SKAP1: variants seen among roughly 807,000 people sequenced by gnomAD.
The protein encoded by SKAP1 is src kinase-associated phosphoprotein 1.
In SKAP1, 44 loss-of-function variants were observed where a neutral mutation model predicts 58.5. The ratio of observed to expected loss-of-function variants is 0.75; its 90% confidence interval spans 0.59 to 0.97. SKAP1 has a LOEUF of 0.97. Among genes scored for constraint, SKAP1 ranks in the 50% least tolerant of loss-of-function variants. SKAP1 has a pLI of 0.00. For synonymous variants in SKAP1, 127 were observed against 149.7 expected (o/e 0.85, Z 1.11); for missense variants, 390 against 435.2 (o/e 0.90, Z 0.92).
intron 4 of SKAP1, among the ~76,000 whole-genome samples, chr17:48,278,282 C>A (rs140251508): frequency 2.6e-4 from 39 of 152,298 alleles, no homozygotes; most frequent in Non-Finnish European, 4.9e-4. Context: ...TCAGTGCCTA[C>A]GCTGTTCTTT....
At chr17:48,324,642 T>A (rs1362008759) in intron 4 of SKAP1, among the ~76,000 whole-genome samples, 1 of 152,114 alleles carries the variant, frequency 6.6e-6, no homozygotes, top group Non-Finnish European at 1.5e-5. Flanking sequence ...TTGCACATAT[T>A]CTGTTGCATG....
At chr17:48,311,720 A>T (rs936837037) in intron 4 of SKAP1, among the ~76,000 whole-genome samples, 2 of 152,132 alleles carry the variant, frequency 1.3e-5, no homozygotes, top group Non-Finnish European at 2.9e-5. Context: ...GCCTCCTAGG[A>T]TCTTCACTCA....
chr17:48,169,982 A>C (rs1266962994), intron 10 of SKAP1, among the ~76,000 whole-genome samples: 2 of 152,198 alleles, frequency 1.3e-5, no homozygotes, highest in East Asian at 3.8e-4. Context: ...TGGTCCACTT[A>C]AGGAGGCTTC....
At chr17:48,429,027 C>T (rs1021009245) in intron 1 of SKAP1, among the ~76,000 whole-genome samples, 1 of 151,928 alleles carries the variant, frequency 6.6e-6, no homozygotes, top group Non-Finnish European at 1.5e-5. Context: ...GCATTTATAC[C>T]GAGATAACAA....
At chr17:48,421,837 A>C (rs1383935436) in intron 1 of SKAP1, among the ~76,000 whole-genome samples, 1 of 152,206 alleles carries the variant, frequency 6.6e-6, no homozygotes, top group African/African-American at 2.4e-5. Context: ...AATGAAGCTA[A>C]TTTTCTCTCC....
At chr17:48,313,559 A>G (rs993630235) in intron 4 of SKAP1, among the ~76,000 whole-genome samples, 19 of 152,176 alleles carry the variant, frequency 1.2e-4, no homozygotes, top group African/African-American at 3.9e-4. Flanking sequence ...ATTATGCACT[A>G]CATGTTCAAA....
intron 4 of SKAP1, among the ~76,000 whole-genome samples, chr17:48,310,922 C>T (rs529044505): frequency 3.3e-5 from 5 of 152,280 alleles, no homozygotes; most frequent in Admixed American, 2.6e-4. Flanking sequence ...CACATCAACA[C>T]TGAAACTAAA....
chr17:48,393,254 C>T (rs1031797378), intron 2 of SKAP1, among the ~76,000 whole-genome samples: 6 of 152,066 alleles, frequency 3.9e-5, no homozygotes, highest in African/African-American at 7.2e-5. Context: ...AATTGCTATC[C>T]GTTTTTATTT....
At chr17:48,370,989 G>A (rs2067077115) in intron 2 of SKAP1, among the ~76,000 whole-genome samples, 1 of 152,180 alleles carries the variant, frequency 6.6e-6, no homozygotes, top group African/African-American at 2.4e-5. Context: ...CAAGATGGAT[G>A]CAGCTGGAGG....
chr17:48,315,132 C>T (rs1338110164), intron 4 of SKAP1, among the ~76,000 whole-genome samples: 1 of 152,076 alleles, frequency 6.6e-6, no homozygotes, highest in Non-Finnish European at 1.5e-5. Context: ...ACAAACTGCC[C>T]TCACTAGCAA....
intron 4 of SKAP1, among the ~76,000 whole-genome samples, chr17:48,203,132 A>G (rs909116716): frequency 6.6e-6 from 1 of 152,262 alleles, no homozygotes; most frequent in African/African-American, 2.4e-5. Context: ...AAGTTAATGC[A>G]TCACAAGTGA....
intron 4 of SKAP1, among the ~76,000 whole-genome samples, chr17:48,269,496 C>A (rs191579194): frequency 4.1e-4 from 62 of 152,282 alleles, no homozygotes; most frequent in African/African-American, 1.5e-3. Context: ...GCAGAGTTAA[C>A]CTGCTATAAG....
intron 4 of SKAP1, among the ~76,000 whole-genome samples, chr17:48,291,767 T>G (rs2065900035): frequency 6.6e-6 from 1 of 151,894 alleles, no homozygotes; most frequent in African/African-American, 2.4e-5. Context: ...AAAACAAGTC[T>G]GCCTCATCAT....
At chr17:48,407,841 G>A (rs553628522) in intron 1 of SKAP1, among the ~76,000 whole-genome samples, 1 of 144,810 alleles carries the variant, frequency 6.9e-6, no homozygotes, top group Admixed American at 7.1e-5. Context: ...GCAACAGAGT[G>A]AGACTTTGTC....
At chr17:48,363,887 GCTA>G (rs2066968925) in intron 2 of SKAP1, 73 bp from the exon 3 acceptor site, 5 of 1,273,084 alleles carry the variant, frequency 3.9e-6, no homozygotes, top group Non-Finnish European at 5.5e-6. Context: ...GCCTACCATA[GCTA>G]TAGCACCTGG....
intron 2 of SKAP1, among the ~76,000 whole-genome samples, chr17:48,383,235 T>C (rs931768800): frequency 1.3e-5 from 2 of 152,202 alleles, no homozygotes; most frequent in African/African-American, 4.8e-5. Context: ...AGTGAATGGT[T>C]TACTCAAGCA....
At chr17:48,248,831 T>A (rs1302338192) in intron 4 of SKAP1, 2 of 152,160 alleles carry the variant, frequency 1.3e-5, no homozygotes, top group Non-Finnish European at 2.9e-5. Context: ...TTTCTATCAA[T>A]GAACAGGGTT....
chr17:48,225,072 C>T (rs1182434003), intron 4 of SKAP1, among the ~76,000 whole-genome samples: 1 of 152,146 alleles, frequency 6.6e-6, no homozygotes, highest in Non-Finnish European at 1.5e-5. Flanking sequence ...ACTATGGCCT[C>T]TGGTTCATTC....
chr17:48,340,505 T>C (rs949279707), intron 4 of SKAP1, among the ~76,000 whole-genome samples: 1 of 152,142 alleles, frequency 6.6e-6, no homozygotes, highest in African/African-American at 2.4e-5. Context: ...GTGTAATCAA[T>C]GAATGTTTCT....
Sources: gnomAD v4.1 joint callset for allele counts (sites outside exome capture counted in the v4.1 genomes callset) on GRCh38, gnomAD v4.1.1 for gene constraint, MANE v1.5 for transcripts, NCBI Gene and HGNC (gene_info 2026-07-23, HGNC 2026-07-21) for gene names.